The following RYR3 variants were observed in gnomAD, a reference collection of about 807,000 sequenced individuals.
The protein encoded by RYR3 is ryanodine receptor 3, also known as brain ryanodine receptor-calcium release channel.
Under a neutral mutation model 584.3 loss-of-function variants are expected in RYR3, and 207 were observed. The ratio of observed to expected loss-of-function variants is 0.35; its 90% CI spans 0.32 to 0.40. RYR3 has a LOEUF of 0.40. Among genes scored for constraint, RYR3 ranks in the 10% least tolerant of loss-of-function variants. The pLI, the probability that RYR3 is intolerant of heterozygous loss-of-function variation, is 1.00. For missense variants in RYR3, 5,616 were observed against 6,089.2 expected (o/e 0.92, Z 2.59); for synonymous variants, 2,416 against 2,248.5 (o/e 1.07, Z -2.11).
chr15:33,337,934 A>ATTTTTTTTTTTT (rs199625940), intron 1 of RYR3, among the ~76,000 whole-genome samples: 8 of 113,598 alleles, frequency 7.0e-5, no homozygotes, highest in Non-Finnish European at 1.2e-4. Flanking sequence ...ATTTTAGGAG[A>ATTTTTTTTTTTT]TTTTTTTTTT....
chr15:33,669,576 G>A, intron 37 of RYR3, 120 bp downstream of exon 37: 1 of 799,450 alleles, frequency 1.3e-6, no homozygotes, highest in South Asian at 1.7e-5. Flanking sequence ...TTGCAATACT[G>A]TCTTTCAAGA....
At chr15:33,490,086 C>A (rs994508219) in intron 2 of RYR3, among the ~76,000 whole-genome samples, 1 of 152,156 alleles carries the variant, frequency 6.6e-6, no homozygotes, top group Non-Finnish European at 1.5e-5. Context: ...TAACAAAACA[C>A]CCTTGGGAAT....
At chr15:33,442,449 T>A (rs967005241) in intron 1 of RYR3, among the ~76,000 whole-genome samples, 4 of 152,244 alleles carry the variant, frequency 2.6e-5, no homozygotes, top group African/African-American at 9.6e-5. Context: ...TCTTTGCTTC[T>A]AAAATTTGAA....
chr15:33,556,248 G>A (rs2057058327), intron 10 of RYR3, among the ~76,000 whole-genome samples: 1 of 152,080 alleles, frequency 6.6e-6, no homozygotes, highest in Non-Finnish European at 1.5e-5. Flanking sequence ...TCAATTAGAA[G>A]CTACTCCATT....
intron 1 of RYR3, among the ~76,000 whole-genome samples, chr15:33,341,882 T>C (rs775312187): frequency 4.6e-5 from 7 of 151,868 alleles, no homozygotes; most frequent in African/African-American, 1.7e-4. Flanking sequence ...AGATTGTAAG[T>C]CATTTCTAGA....
chr15:33,528,636 C>T (rs1203760631), intron 3 of RYR3, among the ~76,000 whole-genome samples: 1 of 152,158 alleles, frequency 6.6e-6, no homozygotes, highest in South Asian at 2.1e-4. Flanking sequence ...TTTGTTAAAT[C>T]CTGACTGTGA....
At chr15:33,785,473 T>C (rs2074648151) in intron 65 of RYR3, among the ~76,000 whole-genome samples, 189 bp from the exon 66 acceptor site, 1 of 152,166 alleles carries the variant, frequency 6.6e-6, no homozygotes, top group South Asian at 2.1e-4. Context: ...AGGAAGATAA[T>C]GCAGCCTCTG....
intron 1 of RYR3, among the ~76,000 whole-genome samples, chr15:33,371,772 T>A (rs113909762): frequency 6.6e-6 from 1 of 152,200 alleles, no homozygotes; most frequent in African/African-American, 2.4e-5. Flanking sequence ...CAACTCCTGA[T>A]GTCTTGCTGG....
chr15:33,816,569 T>A (rs138289547), intron 74 of RYR3, among the ~76,000 whole-genome samples: 1 of 152,172 alleles, frequency 6.6e-6, no homozygotes, highest in East Asian at 1.9e-4. Flanking sequence ...TGATTTCTCA[T>A]TGGAGAGGAA....
chr15:33,355,138 C>T (rs964725362), intron 1 of RYR3, among the ~76,000 whole-genome samples: 6 of 146,818 alleles, frequency 4.1e-5, no homozygotes, highest in Admixed American at 2.1e-4. Context: ...GAGCTGAGAT[C>T]GTGCCATTGC....
At chr15:33,673,810 G>A (rs1340410157) in intron 38 of RYR3, among the ~76,000 whole-genome samples, 1 of 152,200 alleles carries the variant, frequency 6.6e-6, no homozygotes, top group Non-Finnish European at 1.5e-5. Context: ...GCTCCACGCT[G>A]GCATCTTATC....
intron 45 of RYR3, among the ~76,000 whole-genome samples, chr15:33,724,388 G>GT (rs1294595354): frequency 3.3e-5 from 5 of 152,208 alleles, no homozygotes; most frequent in Admixed American, 3.3e-4. Flanking sequence ...CCTGTCTTGT[G>GT]TGATTTCTCT....
At chr15:33,745,852 A>C (rs1449348429) in intron 52 of RYR3, among the ~76,000 whole-genome samples, 1 of 152,210 alleles carries the variant, frequency 6.6e-6, no homozygotes, top group Non-Finnish European at 1.5e-5. Flanking sequence ...GAGGACAGCA[A>C]CTGAAACAAG....
At chr15:33,820,640 G>A in intron 77 of RYR3, 116 bp from the exon 78 acceptor site, 1 of 825,974 alleles carries the variant, frequency 1.2e-6, no homozygotes, top group Non-Finnish European at 1.9e-6. Context: ...ACAACGCTGA[G>A]GTCCTGAGGT....
At chr15:33,632,875 C>T (rs1271225791) in intron 23 of RYR3, 74 bp from the exon 24 acceptor site, 9 of 1,327,620 alleles carry the variant, frequency 6.8e-6, no homozygotes, top group Middle Eastern at 2.0e-4. Flanking sequence ...TTACCATGTG[C>T]TCTTGGTCTA....
At chr15:33,689,526 A>G (rs2065269595) in intron 38 of RYR3, among the ~76,000 whole-genome samples, 1 of 152,166 alleles carries the variant, frequency 6.6e-6, no homozygotes, top group Admixed American at 6.5e-5. Context: ...TAATCATAGC[A>G]AAGCATAATG....
chr15:33,642,388 C>T (rs1446882047), intron 27 of RYR3, among the ~76,000 whole-genome samples: 1 of 152,154 alleles, frequency 6.6e-6, no homozygotes, highest in Non-Finnish European at 1.5e-5. Flanking sequence ...CCAAGATAAA[C>T]CTATACTGGT....
intron 74 of RYR3, chr15:33,815,374 T>C (rs960477667): frequency 6.5e-6 from 1 of 152,672 alleles, no homozygotes; most frequent in African/African-American, 2.4e-5. Flanking sequence ...CTACCTGACA[T>C]TGTGCTGAGT....
intron 1 of RYR3, among the ~76,000 whole-genome samples, chr15:33,324,681 A>C (rs1407279075): frequency 2.6e-5 from 4 of 152,168 alleles, no homozygotes; most frequent in African/African-American, 9.7e-5. Context: ...CTTAGCATAT[A>C]GTAGGTCTCT....
Sources: gnomAD v4.1 joint callset for allele counts (sites outside exome capture counted in the v4.1 genomes callset) on GRCh38, gnomAD v4.1.1 for gene constraint, MANE v1.5 for transcripts, NCBI Gene and HGNC (gene_info 2026-07-23, HGNC 2026-07-21) for gene names.